Variants in SPATS2 observed in about 807,000 individuals in gnomAD.
SPATS2 encodes the protein spermatogenesis associated serine rich 2.
A neutral mutation model predicts 63.7 loss-of-function variants in SPATS2; 38 were observed. The observed-to-expected ratio is 0.60, with a 90% CI of 0.46 to 0.78. The LOEUF is 0.78. Among genes scored for constraint, SPATS2 ranks in the 30% least tolerant of loss-of-function variants. The probability of loss-of-function intolerance (pLI) is 0.00; values close to 1 mark genes in which losing one functional copy is unlikely to be tolerated. For missense variants in SPATS2, 588 were observed against 666.2 expected, an observed-to-expected ratio of 0.88 and a Z score of 1.29; for synonymous variants, 207 against 232.9, an observed-to-expected ratio of 0.89 and a Z score of 1.01.
At chr12:49,498,145 A>AAAAAATATATATAT (rs66900382) in intron 8 of SPATS2, among the ~76,000 whole-genome samples, 18 of 98,948 alleles carry the variant, frequency 1.8e-4, no homozygotes, top group African/African-American at 4.4e-4. Context: ...AAAAAAAAAA[A>AAAAAATATATATAT]ATATATATAT....
chr12:49,522,854 G>A lies in SPATS2; in HGVS notation c.1111+1G>A. 2 of 1,611,992 alleles carry A rather than the reference G, an allele frequency of 1.2e-6. No homozygotes were observed. Among genetic ancestry groups the A allele is most frequent in the Non-Finnish European group, 1.7e-6 (2 of 1,178,430 alleles). On this transcript the variant is annotated splice_donor_variant, in intron 12 of 13. Coordinates refer to ENST00000552918, the MANE Select transcript of SPATS2 (RefSeq NM_023071.4). LOFTEE classifies it high-confidence loss of function. Reference sequence around the variant, plus strand: ...AAGAGCATTGATTCATTTGGACAAGGTGAGATGGTGAGAGGGTCTGGGCAC... The same window carrying A: ...AAGAGCATTGATTCATTTGGACAAGATGAGATGGTGAGAGGGTCTGGGCAC...
At chr12:49,446,069 AATTTTTGT>A (rs1945505394) in intron 2 of SPATS2, among the ~76,000 whole-genome samples, 1 of 150,910 alleles carries the variant, frequency 6.6e-6, no homozygotes, top group Non-Finnish European at 1.5e-5. Context: ...ACACCCAGAT[AATTTTTGT>A]ATTTTTAGTA....
chr12:49,519,200 T>C lies in SPATS2; in HGVS notation c.1008+18T>C, dbSNP rs755652498. ...ATATCAAGGTAAAACTTCTTTCTGC[T>C]TTCTGCCTTTCTTCTTATCCTCAGG... On this transcript the variant is annotated intron_variant, in intron 11 of 13. Coordinates refer to ENST00000552918, the MANE Select transcript of SPATS2 (RefSeq NM_023071.4). 6.3e-7 allele frequency: 1 copy of C among 1,594,514 alleles called. No individual in the cohort carries two copies. The highest frequency in any genetic ancestry group is 1.7e-5 in the Admixed American group (1 of 58,838).
chr12:49,399,449 C>T (rs951902130), intron 2 of SPATS2, among the ~76,000 whole-genome samples: 9 of 152,092 alleles, frequency 5.9e-5, no homozygotes, highest in Admixed American at 1.3e-4. Context: ...AGGGGCCACG[C>T]ATAAAGCTGG....
chr12:49,407,336 A>G (rs1944714415), intron 2 of SPATS2, among the ~76,000 whole-genome samples: 1 of 152,142 alleles, frequency 6.6e-6, no homozygotes, highest in Non-Finnish European at 1.5e-5. Flanking sequence ...TCCTTTGCTC[A>G]AGATCTTCCA....
chr12:49,426,807 T>TCACGCCTCG (rs1194645910), intron 2 of SPATS2, among the ~76,000 whole-genome samples: 2 of 152,226 alleles, frequency 1.3e-5, no homozygotes, highest in African/African-American at 2.4e-5. Flanking sequence ...CCTCCCAAAG[T>TCACGCCTCG]GCTGGGATTA....
At chr12:49,455,430 C>T (rs980676384) in intron 2 of SPATS2, among the ~76,000 whole-genome samples, 5 of 152,200 alleles carry the variant, frequency 3.3e-5, no homozygotes, top group African/African-American at 1.2e-4. Flanking sequence ...TTTTCTGACA[C>T]AGGATCTTGC....
At chr12:49,500,538 C>T (rs193002818) in intron 9 of SPATS2, among the ~76,000 whole-genome samples, 11 of 152,052 alleles carry the variant, frequency 7.2e-5, no homozygotes, top group South Asian at 2.1e-4. Flanking sequence ...TTTGGGAGGC[C>T]GAGGTGGGCG....
At chr12:49,387,615 G>T (rs1944339778) in intron 2 of SPATS2, among the ~76,000 whole-genome samples, 1 of 149,018 alleles carries the variant, frequency 6.7e-6, no homozygotes, top group Admixed American at 6.7e-5. Flanking sequence ...CTCCAGCCTG[G>T]GCAACAGAAC....
intron 1 of SPATS2, 92 bp downstream of exon 1, chr12:49,367,679 G>T: frequency 3.2e-6 from 1 of 311,984 alleles, no homozygotes; most frequent in Admixed American, 5.1e-5. Flanking sequence ...AAGAGGGAGG[G>T]GGTAGTTGGG....
At chr12:49,461,310 G>C (rs191681094) in intron 3 of SPATS2, 1 of 381,750 alleles carries the variant, frequency 2.6e-6, no homozygotes, top group African/African-American at 2.1e-5. Flanking sequence ...GATGTGTTAA[G>C]AGGGCTAGCT....
chr12:49,520,100 C>T (rs1946916045), intron 11 of SPATS2, among the ~76,000 whole-genome samples: 2 of 152,308 alleles, frequency 1.3e-5, no homozygotes, highest in South Asian at 4.1e-4. Flanking sequence ...CTGCCTCAGC[C>T]TCCCAAGTAG....
chr12:49,512,723 C>T, intron 9 of SPATS2: 1 of 408,760 alleles, frequency 2.4e-6, no homozygotes, highest in South Asian at 2.5e-5. Context: ...ATTTTACAAG[C>T]TTTGTCAGAG....
intron 3 of SPATS2, among the ~76,000 whole-genome samples, chr12:49,472,819 C>T (rs909898731): frequency 4.7e-5 from 7 of 150,120 alleles, no homozygotes; most frequent in Non-Finnish European, 8.9e-5. Flanking sequence ...GTGGTCGGAT[C>T]CCTTGAGCTC....
intron 2 of SPATS2, among the ~76,000 whole-genome samples, chr12:49,439,880 T>A (rs1945385379): frequency 6.6e-6 from 1 of 152,222 alleles, no homozygotes; most frequent in African/African-American, 2.4e-5. Context: ...TTTTCATTTC[T>A]TTGCTACGAG....
intron 2 of SPATS2, among the ~76,000 whole-genome samples, chr12:49,456,059 T>A (rs573416734): frequency 6.6e-6 from 1 of 152,332 alleles, no homozygotes; most frequent in South Asian, 2.1e-4. Flanking sequence ...AGCGAACTGT[T>A]ACTGCCTGCC....
intron 4 of SPATS2, among the ~76,000 whole-genome samples, chr12:49,487,822 T>G (rs1002704780): frequency 6.6e-6 from 1 of 152,126 alleles, no homozygotes; most frequent in Non-Finnish European, 1.5e-5. Flanking sequence ...CTCAAACTCC[T>G]GAGATCAAAG....
At chr12:49,465,813 G>A (rs1479008892) in intron 3 of SPATS2, among the ~76,000 whole-genome samples, 3 of 151,946 alleles carry the variant, frequency 2.0e-5, no homozygotes, top group Admixed American at 6.6e-5. Flanking sequence ...GTGTGGTGGC[G>A]GGTGCGTGTA....
chr12:49,372,251 GC>G (rs1431315562), intron 2 of SPATS2, among the ~76,000 whole-genome samples: 1 of 151,976 alleles, frequency 6.6e-6, no homozygotes, highest in Non-Finnish European at 1.5e-5. Flanking sequence ...CGCCATTTTG[GC>G]CAGTGTAATC....
Sources: gnomAD v4.1 joint callset for allele counts (sites outside exome capture counted in the v4.1 genomes callset) on GRCh38, gnomAD v4.1.1 for gene constraint, MANE v1.5 for transcripts, NCBI Gene and HGNC (gene_info 2026-07-23, HGNC 2026-07-21) for gene names.